TCF12: variants seen among roughly 807,000 people sequenced by gnomAD.
The protein encoded by TCF12 is transcription factor 12.
Under a neutral mutation model 86.0 loss-of-function variants are expected in TCF12, and 45 were observed. That is an observed-to-expected ratio of 0.52 (90% CI 0.41 to 0.67). TCF12 has a LOEUF of 0.67. Ranked by LOEUF, TCF12 falls within the 30% of genes least tolerant of loss-of-function variation. The probability of loss-of-function intolerance (pLI) is 0.00; values close to 1 mark genes in which losing one functional copy is unlikely to be tolerated. For synonymous variants in TCF12, 330 were observed against 299.6 expected, an observed-to-expected ratio of 1.10 and a Z score of -1.05; for missense variants, 881 against 859.9, an observed-to-expected ratio of 1.02 and a Z score of -0.31.
intron 5 of TCF12, among the ~76,000 whole-genome samples, chr15:57,116,926 T>C (rs1188889477): frequency 6.6e-6 from 1 of 152,166 alleles, no homozygotes; most frequent in Non-Finnish European, 1.5e-5. Flanking sequence ...ACTCCCTTTT[T>C]TGGGTGTGAG....
At chr15:57,223,048 A>G (rs764616687) in intron 8 of TCF12, among the ~76,000 whole-genome samples, 48 of 152,006 alleles carry the variant, frequency 3.2e-4, no homozygotes, top group Non-Finnish European at 6.6e-4. Context: ...GAAAAAAAAG[A>G]AACTAATTTG....
chr15:57,210,583 G>T (rs1169611408), intron 8 of TCF12, among the ~76,000 whole-genome samples: 1 of 152,134 alleles, frequency 6.6e-6, no homozygotes, highest in African/African-American at 2.4e-5. Context: ...TCATGCATTT[G>T]TTTTCCAATG....
intron 8 of TCF12, 132 bp from the exon 9 acceptor site, chr15:57,231,016 ATTCT>A (rs2059113428): frequency 1.7e-6 from 1 of 599,602 alleles, no homozygotes; most frequent in African/African-American, 1.9e-5. Context: ...TTTAGGCAGT[ATTCT>A]TTTCATTTGT....
chr15:57,183,485 C>T (rs1180223656), intron 6 of TCF12, among the ~76,000 whole-genome samples: 2 of 152,130 alleles, frequency 1.3e-5, no homozygotes, highest in African/African-American at 4.8e-5. Flanking sequence ...TATTCTCTTG[C>T]GTATTTCCAA....
intron 3 of TCF12, among the ~76,000 whole-genome samples, chr15:57,010,945 T>G (rs765207705): frequency 6.6e-6 from 1 of 152,162 alleles, no homozygotes; most frequent in African/African-American, 2.4e-5. Flanking sequence ...AACTGAACTT[T>G]TAAAAATTTT....
At position 57,282,564 on chromosome 15, in the gene TCF12, A is replaced by G. The variant is rs1346919575; in HGVS notation, c.2098A>G (p.Thr700Ala). 5 of 1,614,124 alleles carry G rather than the reference A, an allele frequency of 3.1e-6. No individual in the cohort carries two copies. Among genetic ancestry groups the G allele is most frequent in the African/African-American group, 1.3e-5 (1 of 74,952 alleles). The change falls in exon 20 of 21, where the codon ACC (threonine) becomes GCC (alanine). Residue 700 changes from threonine to alanine, a missense_variant. This residue lies in a region of TCF12 where 69 missense variants were observed against 64.2 expected (regional missense o/e 1.07). Transcript: ENST00000333725. The stretch of plus-strand genomic sequence containing the variant: ...AACCCATCCTGGGCTTAGTGAAACT[A>G]CCAACCCTATGGGTCATATGTAAAC... The part of the protein sequence containing the change: ...PGTHPGLSET[T>A]NPMGHM
intron 3 of TCF12, among the ~76,000 whole-genome samples, chr15:56,978,049 C>T (rs1175617673): frequency 6.6e-6 from 1 of 152,102 alleles, no homozygotes; most frequent in Non-Finnish European, 1.5e-5. Context: ...GATCTGTCTT[C>T]GATGCATGAA....
intron 3 of TCF12, among the ~76,000 whole-genome samples, chr15:57,041,936 A>C (rs16977217): frequency 6.6e-6 from 1 of 152,144 alleles, no homozygotes; most frequent in South Asian, 2.1e-4. Context: ...TGATCATTAC[A>C]TCAAAAGTTT....
intron 4 of TCF12, among the ~76,000 whole-genome samples, chr15:57,066,839 G>C (rs1375912978): frequency 6.6e-6 from 1 of 152,120 alleles, no homozygotes; most frequent in African/African-American, 2.4e-5. Context: ...TACTGTATGG[G>C]AATAGTTACA....
chr15:57,102,898 G>C lies in TCF12; in HGVS notation c.325+11007G>C, dbSNP rs147717508. On this transcript the variant is annotated intron_variant, in intron 5 of 20. Transcript: ENST00000333725. Reference sequence around the variant, plus strand: ...ATCAGAAATCTTTCAGAAAAAACCTGCTTCTCAAGATAGCAATATAAGATT... The same window carrying C: ...ATCAGAAATCTTTCAGAAAAAACCTCCTTCTCAAGATAGCAATATAAGATT... Among the ~76,000 whole-genome samples, 149 of 152,232 alleles carry C rather than the reference G, an allele frequency of 9.8e-4. 6 individuals are homozygous for C. The East Asian group carries it at 0.025, about 26-fold the overall frequency.
chr15:57,143,751 A>T (rs527732866), intron 5 of TCF12, among the ~76,000 whole-genome samples: 2 of 152,330 alleles, frequency 1.3e-5, no homozygotes, highest in East Asian at 1.9e-4. Context: ...TGGAGTTTGT[A>T]TACCTAACTT....
At chr15:57,008,529 A>G (rs1186291103) in intron 3 of TCF12, among the ~76,000 whole-genome samples, 4 of 151,922 alleles carry the variant, frequency 2.6e-5, no homozygotes, top group Admixed American at 1.3e-4. Flanking sequence ...TACATTAACT[A>G]TTTTTACTCA....
At chr15:57,046,295 T>C (rs1252220922) in intron 3 of TCF12, among the ~76,000 whole-genome samples, 2 of 152,242 alleles carry the variant, frequency 1.3e-5, no homozygotes, top group East Asian at 3.8e-4. Context: ...GCATGTTTTC[T>C]TGAGTTTGTC....
intron 4 of TCF12, among the ~76,000 whole-genome samples, chr15:57,070,473 A>G (rs1391257551): frequency 6.6e-6 from 1 of 152,214 alleles, no homozygotes; most frequent in Non-Finnish European, 1.5e-5. Context: ...GGGATAAGGG[A>G]AACAAAAATA....
intron 5 of TCF12, among the ~76,000 whole-genome samples, chr15:57,096,417 A>G (rs1191973093): frequency 6.6e-6 from 1 of 152,144 alleles, no homozygotes; most frequent in Non-Finnish European, 1.5e-5. Flanking sequence ...AAAGATCATG[A>G]AAGTTCTCTG....
intron 7 of TCF12, among the ~76,000 whole-genome samples, chr15:57,197,250 G>A (rs569007544): frequency 1.3e-4 from 18 of 141,530 alleles, no homozygotes; most frequent in Admixed American, 1.0e-3. Flanking sequence ...TCCATCTCCC[G>A]GGTTCAAGTG....
chr15:57,153,748 C>T (rs1205589903), intron 5 of TCF12, among the ~76,000 whole-genome samples: 1 of 152,054 alleles, frequency 6.6e-6, no homozygotes, highest in Non-Finnish European at 1.5e-5. Flanking sequence ...AGGCTGAGAG[C>T]TGGGCATAGT....
In TCF12 at chr15:56,919,951, C is replaced by G. The variant is rs374187839; in HGVS notation, c.38C>G (p.Thr13Ser). Residue 13 changes from threonine to serine, a missense_variant, in exon 2 of 21, where the codon ACC becomes AGC. By Grantham distance (58) the Thr-to-Ser change is moderately conservative (BLOSUM62 1). Coordinates refer to ENST00000333725, the MANE Select transcript of TCF12 (RefSeq NM_207037.2). ...PQQQRMAAIGTDKELSDLLDF... is the reference protein window; with the variant it reads ...PQQQRMAAIGSDKELSDLLDF... The stretch of plus-strand genomic sequence containing the variant: ...CAACAACGCATGGCCGCTATAGGGA[C>G]CGACAAGGAGCTGAGCGACCTACTG... 1.2e-6 allele frequency: 2 copies of G among 1,614,078 alleles called. No individual in the cohort carries two copies. Among genetic ancestry groups the G allele is most frequent in the African/African-American group, 1.3e-5 (1 of 75,008 alleles).
At chr15:56,930,139 C>T (rs1271499371) in intron 3 of TCF12, among the ~76,000 whole-genome samples, 1 of 152,188 alleles carries the variant, frequency 6.6e-6, no homozygotes, top group Non-Finnish European at 1.5e-5. Flanking sequence ...TGTGCTGCTG[C>T]TGTCGGCAAG....
Sources: gnomAD v4.1 joint callset for allele counts (sites outside exome capture counted in the v4.1 genomes callset) on GRCh38, gnomAD v4.1.1 for gene constraint, gnomAD v4.1.1 regional missense constraint, MANE v1.5 for transcripts, NCBI Gene and HGNC (gene_info 2026-07-23, HGNC 2026-07-21) for gene names.